NOP16: variants seen among roughly 807,000 people sequenced by gnomAD.
NOP16 encodes nucleolar protein 16.
Under a neutral mutation model 22.7 loss-of-function variants are expected in NOP16, and 14 were observed. The ratio of observed to expected loss-of-function variants is 0.62; its 90% CI spans 0.41 to 0.97. NOP16 has a LOEUF of 0.97. NOP16 is among the 50% of genes least tolerant of loss of function. NOP16 has a pLI of 0.00. For missense variants in NOP16, 198 were observed against 235.9 expected, an observed-to-expected ratio of 0.84 and a Z score of 1.05; for synonymous variants, 80 against 83.6, an observed-to-expected ratio of 0.96 and a Z score of 0.23.
Position 176,384,311 on chromosome 5 carries a change from T to C in NOP16, c.457A>G (p.Asn153Asp). 1 of 1,614,256 alleles carries C rather than the reference T, an allele frequency of 6.2e-7. No individual in the cohort carries two copies. The highest frequency in any genetic ancestry group is 8.5e-7 in the Non-Finnish European group (1 of 1,180,046). ...GCTGGGTAAAAGCGTTTATAGACGT[T>C]GATCTTACTCCGAATCTGTTTTGGG... is the stretch of plus-strand genomic sequence containing the variant. ...DTPKQIRSKI[N>D]VYKRFYPAEW... Residue 153 changes from asparagine (N) to aspartate (D), a missense_variant, in exon 5 of 5, where the codon AAC becomes GAC. Physicochemically the swap from Asn to Asp is conservative, Grantham distance 23 (BLOSUM62 1). Coordinates refer to ENST00000614830, the MANE Select transcript of NOP16 (RefSeq NM_016391.8).
In NOP16 at chr5:176,385,217, T is replaced by C. The variant is rs761318474; in HGVS notation, c.393+4A>G. The stretch of plus-strand genomic sequence containing the variant: ...AGCCAGCCCACGGGGCCTGAGCCGC[T>C]CACCTTATAGTCCTCCCCGTGGTTC... On this transcript the variant is annotated splice_donor_region_variant and intron_variant, in intron 4 of 4. Transcript: ENST00000614830. The C allele has an allele frequency of 2.4e-5, 38 of 1,576,018 alleles. No individual in the cohort carries two copies. Among genetic ancestry groups the C allele is most frequent in the African/African-American group, 6.7e-5 (5 of 74,170 alleles).
chr5:176,384,461 A>G (rs1271929690), intron 4 of NOP16, 87 bp from the exon 5 acceptor site: 10 of 1,356,326 alleles, frequency 7.4e-6, no homozygotes, highest in African/African-American at 4.4e-5. Flanking sequence ...GCCACTTGCT[A>G]TCTATCCCTG....
Position 176,385,292 on chromosome 5 carries a change from CT to C in NOP16, c.321del (p.Gly108GlufsTer16), listed in dbSNP as rs1755751714. 1 of 1,613,042 alleles carries C rather than the reference CT, an allele frequency of 6.2e-7. No individual in the cohort carries two copies. Among genetic ancestry groups the C allele is most frequent in the Non-Finnish European group, 8.5e-7 (1 of 1,178,992 alleles). On this transcript the variant is annotated frameshift_variant, in exon 4 of 5. Transcript: ENST00000614830. LOFTEE classifies it high-confidence loss of function. ...LEAEASLPEK[K>X]GNTLSRDLID... ...ATGAGGTCCCGAGACAGAGTATTTC[CT>C]TTCTTTTCTGGAAGGCTGGCTTCTG...
At chr5:176,388,139 A>T in intron 2 of NOP16, 96 bp downstream of exon 2, 1 of 912,318 alleles carries the variant, frequency 1.1e-6, no homozygotes. Context: ...GAAGGGCCTG[A>T]GGGAAGGAAT....
chr5:176,388,201 GAAGAC>G, intron 2 of NOP16, 29 bp downstream of exon 2: 1 of 1,478,652 alleles, frequency 6.8e-7, no homozygotes, highest in Non-Finnish European at 9.4e-7. Flanking sequence ...GAAGAGTAAA[GAAGAC>G]AAGGACCGAG....
chr5:176,385,125 C>A (rs1013240081), intron 4 of NOP16, 96 bp downstream of exon 4: 3 of 782,358 alleles, frequency 3.8e-6, no homozygotes, highest in Non-Finnish European at 4.7e-6. Flanking sequence ...CCTTTCTTTG[C>A]ACTCGGTTTC....
At chr5:176,385,051 A>G in intron 4 of NOP16, 170 bp downstream of exon 4, 1 of 626,582 alleles carries the variant, frequency 1.6e-6, no homozygotes, top group South Asian at 1.8e-5. Context: ...TATCCTTGCC[A>G]TAAGCATTCA....
intron 2 of NOP16, 100 bp downstream of exon 2, chr5:176,388,135 C>T (rs1472926483): frequency 7.9e-6 from 7 of 882,140 alleles, no homozygotes; most frequent in Non-Finnish European, 1.3e-5. Flanking sequence ...CTCGGAAGGG[C>T]CTGAGGGAAG....
chr5:176,384,871 C>A, intron 4 of NOP16: 1 of 495,770 alleles, frequency 2.0e-6, no homozygotes, highest in Non-Finnish European at 3.6e-6. Context: ...CCTACTTGGG[C>A]CCAGGGGTCC....
In NOP16 at chr5:176,384,080, G is replaced by A. The variant is rs765125024; in HGVS notation, c.*151C>T. The A allele has an allele frequency of 1.9e-6, 3 of 1,593,326 alleles. No homozygotes were observed. Among genetic ancestry groups the A allele is most frequent in the Non-Finnish European group, 2.6e-6 (3 of 1,174,708 alleles). Reference sequence around the variant, plus strand: ...TGAGAACAGTTCCTTCCCCAGAGCGGGGAGTGTGCACGTGTGTGTGTAACC... The same window carrying A: ...TGAGAACAGTTCCTTCCCCAGAGCGAGGAGTGTGCACGTGTGTGTGTAACC... On this transcript the variant is annotated 3_prime_UTR_variant, in exon 5 of 5. Coordinates refer to ENST00000614830, the MANE Select transcript of NOP16 (RefSeq NM_016391.8).
chr5:176,385,159 G>C (rs760427774), intron 4 of NOP16, 62 bp downstream of exon 4: 3 of 912,898 alleles, frequency 3.3e-6, no homozygotes, highest in Middle Eastern at 2.4e-4. Flanking sequence ...TGCGCAAGCA[G>C]ATCAAGCCGC....
At chr5:176,384,558 G>A in intron 4 of NOP16, 184 bp from the exon 5 acceptor site, 1 of 618,844 alleles carries the variant, frequency 1.6e-6, no homozygotes, top group Non-Finnish European at 2.8e-6. Flanking sequence ...AGGCCGAGGT[G>A]GGAGGATCTC....
At position 176,384,325 on chromosome 5, in the gene NOP16, A is replaced by G. The variant is rs747177509; in HGVS notation, c.443T>C (p.Ile148Thr). 1 of 1,614,174 alleles carries G rather than the reference A, an allele frequency of 6.2e-7. No individual in the cohort carries two copies. The highest frequency in any genetic ancestry group is 2.2e-5 in the East Asian group (1 of 44,876). ...TTTATAGACGTTGATCTTACTCCGA[A>G]TCTGTTTTGGGGTATCTTGATAGTA... Reference protein sequence around the residue: ...KNYYQDTPKQIRSKINVYKRF... With the variant: ...KNYYQDTPKQTRSKINVYKRF... Residue 148 changes from isoleucine (I) to threonine (T), a missense_variant, in exon 5 of 5, where the codon ATT (isoleucine) becomes ACT (threonine). Transcript: ENST00000614830.
intron 3 of NOP16, chr5:176,386,420 G>A: frequency 3.4e-6 from 1 of 294,346 alleles, no homozygotes; most frequent in South Asian, 3.2e-5. Context: ...TTTCCTGTAG[G>A]GTTTACTCTC....
chr5:176,386,478 A>AT, intron 3 of NOP16: 2 of 360,322 alleles, frequency 5.6e-6, no homozygotes, highest in Non-Finnish European at 1.1e-5. Flanking sequence ...CATAAAATCG[A>AT]TTTTGTCATT....
chr5:176,386,178 C>T, intron 3 of NOP16: 1 of 155,010 alleles, frequency 6.5e-6, no homozygotes, highest in Non-Finnish European at 1.4e-5. Flanking sequence ...GTTTTTTAAC[C>T]ACATTTTAAA....
At chr5:176,387,548 A>G (rs1329861052) in intron 2 of NOP16, among the ~76,000 whole-genome samples, 2 of 152,264 alleles carry the variant, frequency 1.3e-5, no homozygotes, top group East Asian at 3.8e-4. Flanking sequence ...GTGAGGCTAC[A>G]GCCACACAGT....
At position 176,385,223 on chromosome 5, in the gene NOP16, T is replaced by G; in HGVS notation, c.391A>C (p.Lys131Gln). The G allele has an allele frequency of 6.3e-7, 1 of 1,591,808 alleles. No homozygotes were observed. Among genetic ancestry groups the G allele is most frequent in the Non-Finnish European group, 8.6e-7 (1 of 1,159,578 alleles). ...CCCACGGGGCCTGAGCCGCTCACCT[T>G]ATAGTCCTCCCCGTGGTTCTCTACC... ...YMVENHGEDY[K>Q]AMARDEKNYY... is the part of the protein sequence containing the mutation. The change falls in exon 4 of 5, where the codon AAG becomes CAG. Residue 131 changes from lysine to glutamine, a missense_variant and splice_region_variant. Transcript: ENST00000614830.
rs1065206 is a variant in NOP16 at position 176,384,232 on chromosome 5, C to T, written c.536G>A (p.Ter179=). Residue 179 remains the stop codon, a stop_retained_variant, in exon 5 of 5, where the codon TGA becomes TAA. Transcript: ENST00000614830. The part of the protein sequence containing the change: ...SLQKRKMEVE[*] Reference sequence around the variant, plus strand: ...TGGGGCAGCTGTGATGTAAACCAGTCACTCCACCTCCATCTTCCTCTTCTG... The same window carrying T: ...TGGGGCAGCTGTGATGTAAACCAGTTACTCCACCTCCATCTTCCTCTTCTG... 0.064 allele frequency: 102,725 copies of T among 1,614,118 alleles called. 3,845 individuals are homozygous for T. Among genetic ancestry groups the T allele is most frequent in the African/African-American group, 0.13 (9,938 of 75,010 alleles).
Sources: allele counts gnomAD v4.1 joint callset (sites outside exome capture counted in the v4.1 genomes callset), GRCh38; gene constraint gnomAD v4.1.1; transcripts MANE v1.5; gene names NCBI Gene and HGNC (gene_info 2026-07-23, HGNC 2026-07-21).